SIPA1L3: variants seen among roughly 807,000 people sequenced by gnomAD.
SIPA1L3 encodes the protein signal induced proliferation associated 1 like 3, also known as signal-induced proliferation-associated 1-like protein 3.
Under a neutral mutation model 150.1 loss-of-function variants are expected in SIPA1L3, and 59 were observed. The ratio of observed to expected loss-of-function variants is 0.39; its 90% CI spans 0.32 to 0.49. The LOEUF is 0.49. SIPA1L3 is among the 20% of genes least tolerant of loss of function. The pLI, the probability that SIPA1L3 is intolerant of heterozygous loss-of-function variation, is 0.86. For missense variants in SIPA1L3, 2,211 were observed against 2,489.5 expected (o/e 0.89, Z 2.38); for synonymous variants, 1,070 against 1,077.6 (o/e 0.99, Z 0.14).
chr19:38,146,517 A>G (rs1971706461), intron 12 of SIPA1L3, among the ~76,000 whole-genome samples: 1 of 152,350 alleles, frequency 6.6e-6, no homozygotes, highest in East Asian at 1.9e-4. Flanking sequence ...TGCGGTGAAC[A>G]TGTACATTCA....
Position 38,164,549 on chromosome 19 carries a change from A to G in SIPA1L3, c.3851A>G (p.Asp1284Gly), listed in dbSNP as rs372266423. The change falls in exon 15 of 22, where the codon GAC (aspartate) becomes GGC (glycine). Residue 1284 changes from aspartate (D) to glycine (G), a missense_variant. Transcript: ENST00000222345. The surrounding 1 kb of genome is among the most constrained non-coding windows in gnomAD (Gnocchi z 4.1). The stretch of plus-strand genomic sequence containing the variant: ...AGCAACGCATCCAGCAGCCACAGCG[A>G]CGACCGCTGGTTCGACCCCCTGGAC... ...LSSNASSSHS[D>G]DRWFDPLDPL... The G allele has an allele frequency of 2.5e-6, 4 of 1,614,084 alleles. No homozygotes were observed. The highest frequency in any genetic ancestry group is 3.4e-6 in the Non-Finnish European group (4 of 1,179,962).
At chr19:37,961,612 T>A (rs1452955773) in intron 1 of SIPA1L3, among the ~76,000 whole-genome samples, 1 of 152,210 alleles carries the variant, frequency 6.6e-6, no homozygotes, top group East Asian at 1.9e-4. Flanking sequence ...TTCTATTTAT[T>A]GTATATGGAG....
chr19:37,911,029 C>T (rs1211140788), intron 1 of SIPA1L3, among the ~76,000 whole-genome samples: 2 of 152,110 alleles, frequency 1.3e-5, no homozygotes, highest in African/African-American at 4.8e-5. Flanking sequence ...TCAAACAATA[C>T]AGAGGTGTAG....
chr19:38,012,035 G>A (rs553561502), intron 1 of SIPA1L3, among the ~76,000 whole-genome samples: 14 of 151,970 alleles, frequency 9.2e-5, no homozygotes, highest in African/African-American at 1.5e-4. Context: ...AGACACACAG[G>A]TTGTCTCCTG....
At chr19:38,146,634 CT>C in intron 12 of SIPA1L3, among the ~76,000 whole-genome samples, 1 of 152,270 alleles carries the variant, frequency 6.6e-6, no homozygotes, top group African/African-American at 2.4e-5. Flanking sequence ...TGAAAAGGAA[CT>C]GCCAAACTGT....
At chr19:37,937,740 T>C (rs2046612845) in intron 1 of SIPA1L3, among the ~76,000 whole-genome samples, 1 of 12,448 alleles carries the variant, frequency 8.0e-5, no homozygotes, top group Non-Finnish European at 1.2e-4. Flanking sequence ...AAACCCTGTC[T>C]CAAAAAAAAA....
chr19:38,196,890 C>T (rs940042339), intron 18 of SIPA1L3, among the ~76,000 whole-genome samples: 10 of 152,182 alleles, frequency 6.6e-5, no homozygotes, highest in African/African-American at 2.2e-4. Flanking sequence ...CCACGTCTTC[C>T]ACTCACAGAT....
intron 15 of SIPA1L3, among the ~76,000 whole-genome samples, chr19:38,178,093 GTGTGTGTGTGTGTGTGT>G (rs1972478709): frequency 1.5e-4 from 9 of 61,152 alleles, no homozygotes; most frequent in Non-Finnish European, 1.6e-4. Flanking sequence ...TTTGGTGTGT[GTGTGTGTGTGTGTGTGT>G]GTGTGTGTGT....
intron 2 of SIPA1L3, among the ~76,000 whole-genome samples, chr19:38,042,601 T>A (rs1968952479): frequency 6.6e-6 from 1 of 152,256 alleles, no homozygotes; most frequent in Non-Finnish European, 1.5e-5. Flanking sequence ...AAAGCTAATA[T>A]GTCTTTCCCA....
intron 1 of SIPA1L3, among the ~76,000 whole-genome samples, chr19:38,010,278 C>T (rs956403733): frequency 6.6e-6 from 1 of 151,984 alleles, no homozygotes. Context: ...CATGTTGGCT[C>T]ACGCTTATAA....
chr19:38,201,681 T>C (rs1302319553), intron 19 of SIPA1L3, among the ~76,000 whole-genome samples, 181 bp from the exon 20 acceptor site: 1 of 152,176 alleles, frequency 6.6e-6, no homozygotes, highest in African/African-American at 2.4e-5. Flanking sequence ...TTTGATTGTG[T>C]TCTTGTTTTG....
At chr19:38,133,519 G>A (rs1168317181) in intron 10 of SIPA1L3, among the ~76,000 whole-genome samples, 1 of 152,160 alleles carries the variant, frequency 6.6e-6, no homozygotes, top group Admixed American at 6.5e-5. Flanking sequence ...GACGCACCAT[G>A]TTCTCAGCTC....
intron 1 of SIPA1L3, among the ~76,000 whole-genome samples, chr19:38,006,664 G>T (rs1967946809): frequency 6.6e-6 from 1 of 152,176 alleles, no homozygotes; most frequent in South Asian, 2.1e-4. Context: ...TGTGGGCAGT[G>T]GTGCGGGGGG....
intron 2 of SIPA1L3, among the ~76,000 whole-genome samples, chr19:38,077,661 C>CTT (rs58788182): frequency 0.089 from 5,602 of 63,178 alleles, 1,030 homozygotes; most frequent in East Asian, 0.19. Flanking sequence ...TTTTCTTTTT[C>CTT]TTTTTTTTTT....
intron 1 of SIPA1L3, among the ~76,000 whole-genome samples, chr19:37,976,247 A>T (rs1360982662): frequency 3.3e-5 from 5 of 151,760 alleles, no homozygotes; most frequent in Non-Finnish European, 7.4e-5. Context: ...CCTGGAGGGG[A>T]TTTCCTTGGG....
chr19:38,181,215 A>G (rs1972547909), intron 15 of SIPA1L3, among the ~76,000 whole-genome samples: 1 of 152,214 alleles, frequency 6.6e-6, no homozygotes, highest in Non-Finnish European at 1.5e-5. Context: ...GAGTACTGAA[A>G]TGGTCATTTG....
intron 1 of SIPA1L3, among the ~76,000 whole-genome samples, chr19:38,016,826 G>A (rs529098350): frequency 4.0e-5 from 6 of 149,406 alleles, no homozygotes; most frequent in East Asian, 4.0e-4. Flanking sequence ...GGTTAATACC[G>A]GTCATGTTTG....
chr19:37,974,209 C>T (rs138214857), intron 1 of SIPA1L3, among the ~76,000 whole-genome samples: 28 of 152,218 alleles, frequency 1.8e-4, no homozygotes, highest in African/African-American at 5.5e-4. Context: ...ACTCATCGAC[C>T]TCCTCAAGAT....
intron 2 of SIPA1L3, among the ~76,000 whole-genome samples, chr19:38,034,196 A>C (rs541199195): frequency 6.6e-6 from 1 of 152,346 alleles, no homozygotes; most frequent in South Asian, 2.1e-4. Flanking sequence ...AGCCAGAGAA[A>C]AAATGAATTG....
Sources: gnomAD v4.1 joint callset for allele counts (sites outside exome capture counted in the v4.1 genomes callset) on GRCh38, gnomAD v4.1.1 for gene constraint, Gnocchi (gnomAD v3.1) non-coding constraint, MANE v1.5 for transcripts, NCBI Gene and HGNC (gene_info 2026-07-23, HGNC 2026-07-21) for gene names.